BEND3: variants seen among roughly 807,000 people sequenced by gnomAD.
BEND3 encodes the protein BEN domain containing 3.
In BEND3, 13 loss-of-function variants were observed where a neutral mutation model predicts 60.1. The ratio of observed to expected loss-of-function variants is 0.22; its 90% confidence interval spans 0.14 to 0.34. The LOEUF (loss-of-function observed/expected upper bound fraction) is 0.34, where lower values mean the gene tolerates loss of function less well. BEND3 is among the 10% of genes least tolerant of loss of function. BEND3 has a pLI of 1.00. For missense variants in BEND3, 896 were observed against 1,138.1 expected (o/e 0.79, Z 3.06); for synonymous variants, 497 against 491.5 (o/e 1.01, Z -0.15).
chr6:107,068,985 C>G lies in BEND3; in HGVS notation c.2206G>C (p.Val736Leu). Residue 736 changes from valine (V) to leucine (L), a missense_variant, in exon 4 of 4, where the codon GTG (valine) becomes CTG (leucine). Around this residue, in one of 4 missense-constraint regions of BEND3, gnomAD observed 846 missense variants for 1,036.7 expected, o/e 0.82. Coordinates refer to ENST00000369042, the MANE Select transcript of BEND3 (RefSeq NM_001367314.1). The surrounding 1 kb of genome is among the most constrained non-coding windows in gnomAD (Gnocchi z 5.8). ...AGGAGCCGGGCGGCAAAGTTGCCCA[C>G]GGAGAGGCTCTGCTGCACGATCTCA... ...VREIVQQSLS[V>L]GNFAARLLVR... The G allele has an allele frequency of 6.2e-7, 1 of 1,613,734 alleles. No homozygotes were observed. Among genetic ancestry groups the G allele is most frequent in the Non-Finnish European group, 8.5e-7 (1 of 1,180,006 alleles).
Position 107,069,534 on chromosome 6 carries a change from A to T in BEND3, c.1657T>A (p.Cys553Ser). The T allele has an allele frequency of 6.2e-7, 1 of 1,613,238 alleles. No homozygotes were observed. The highest frequency in any genetic ancestry group is 8.5e-7 in the Non-Finnish European group (1 of 1,180,004). ...QPDFEVPGADCLLSKEQLRSI... is the reference protein window; with the variant it reads ...QPDFEVPGADSLLSKEQLRSI... ...CGTAGCTGCTCCTTGCTGAGCAGGCAGTCGGCACCGGGCACCTCGAAGTCA... is the reference window on the plus strand; with the variant it reads ...CGTAGCTGCTCCTTGCTGAGCAGGCTGTCGGCACCGGGCACCTCGAAGTCA... Residue 553 changes from cysteine to serine, a missense_variant, in exon 4 of 4, where the codon TGC (cysteine) becomes AGC (serine). Around this residue, in one of 4 missense-constraint regions of BEND3, gnomAD observed 846 missense variants for 1,036.7 expected, o/e 0.82. Transcript: ENST00000369042.
chr6:107,083,635 C>CA (rs1348957863), intron 3 of BEND3, among the ~76,000 whole-genome samples: 6 of 148,302 alleles, frequency 4.0e-5, no homozygotes, highest in African/African-American at 9.9e-5. Flanking sequence ...GACTGTATCT[C>CA]AAAAAAAAGA....
At chr6:107,072,012 A>T (rs9386603) in intron 3 of BEND3, among the ~76,000 whole-genome samples, 57,566 of 151,836 alleles carry the variant, frequency 0.38, 11,011 homozygotes, top group East Asian at 0.41. Context: ...TCCTTCTTTG[A>T]GTTTCAGCCA....
intron 3 of BEND3, among the ~76,000 whole-genome samples, chr6:107,090,992 C>A (rs888496901): frequency 1.8e-4 from 28 of 151,788 alleles, no homozygotes; most frequent in African/African-American, 6.8e-4. Context: ...CACCTATAAT[C>A]CCAGCTACTC....
In BEND3 at chr6:107,070,036, G is replaced by A. The variant is rs1554231669; in HGVS notation, c.1155C>T (p.Thr385=). 5.6e-6 allele frequency: 9 copies of A among 1,613,828 alleles called. No individual in the cohort carries two copies. Among genetic ancestry groups the A allele is most frequent in the Non-Finnish European group, 7.6e-6 (9 of 1,180,034 alleles). Reference sequence around the variant, plus strand: ...TGTCCACCACGTGGTCTGAGGCGATGGTGCTGCTCCGGTCAAGAGACAGGG... The same window carrying A: ...TGTCCACCACGTGGTCTGAGGCGATAGTGCTGCTCCGGTCAAGAGACAGGG... ...EEALSLDRSS[T]IASDHVVDTQ... The change falls in exon 4 of 4, where the codon ACC becomes ACT. Residue 385 remains threonine (T), a synonymous_variant. Transcript: ENST00000369042. The surrounding 1 kb of genome is among the most constrained non-coding windows in gnomAD (Gnocchi z 6.9).
Position 107,069,275 on chromosome 6 carries a change from A to G in BEND3, c.1916T>C (p.Leu639Pro), listed in dbSNP as rs1554231417. 1 of 1,612,174 alleles carries G rather than the reference A, an allele frequency of 6.2e-7. No homozygotes were observed. The highest frequency in any genetic ancestry group is 8.5e-7 in the Non-Finnish European group (1 of 1,179,400). The change falls in exon 4 of 4, where the codon CTG becomes CCG. Residue 639 changes from leucine (L) to proline (P), a missense_variant. Leu to Pro is a moderately conservative substitution (Grantham distance 98). Around this residue, in one of 4 missense-constraint regions of BEND3, gnomAD observed 846 missense variants for 1,036.7 expected, o/e 0.82. Coordinates refer to ENST00000369042, the MANE Select transcript of BEND3 (RefSeq NM_001367314.1). ...GTCCCGGCGCCGGCAGCGCTCATCC[A>G]GTTTGCCCACGAACTCCAGGGTCCA... ...RVWTLEFVGK[L>P]DERCRRRDTE...
chr6:107,069,001 C>T lies in BEND3; in HGVS notation c.2190G>A (p.Val730=), dbSNP rs782499450. The part of the protein sequence containing the change: ...LLSDKEVREI[V]QQSLSVGNFA... ...AGTTGCCCACGGAGAGGCTCTGCTGCACGATCTCACGCACCTCCTTGTCAG... is the reference window on the plus strand; with the variant it reads ...AGTTGCCCACGGAGAGGCTCTGCTGTACGATCTCACGCACCTCCTTGTCAG... Residue 730 remains valine, a synonymous_variant, in exon 4 of 4, where the codon GTG becomes GTA. Coordinates refer to ENST00000369042, the MANE Select transcript of BEND3 (RefSeq NM_001367314.1). 9 of 1,613,824 alleles carry T rather than the reference C, an allele frequency of 5.6e-6. No individual in the cohort carries two copies. In the Admixed American group the frequency reaches 1.5e-4, roughly 27 times the overall value.
intron 3 of BEND3, among the ~76,000 whole-genome samples, chr6:107,087,988 G>A (rs114344015): frequency 0.013 from 1,876 of 138,986 alleles, 55 homozygotes; most frequent in African/African-American, 0.048. Flanking sequence ...AAAAAACACT[G>A]TAATAGAAAT....
chr6:107,069,039 G>A lies in BEND3; in HGVS notation c.2152C>T (p.Pro718Ser), dbSNP rs1554231316. The change falls in exon 4 of 4, where the codon CCC (proline) becomes TCC (serine). Residue 718 changes from proline (P) to serine (S), a missense_variant. Around this residue, in one of 4 missense-constraint regions of BEND3, gnomAD observed 846 missense variants for 1,036.7 expected, o/e 0.82. Transcript: ENST00000369042. ...ACCTCCTTGTCAGACAGCAGGTAGGGAGAAGGCACCGGGAAGTCAGGCGAG... is the reference window on the plus strand; with the variant it reads ...ACCTCCTTGTCAGACAGCAGGTAGGAAGAAGGCACCGGGAAGTCAGGCGAG... ...VPSPDFPVPSPYLLSDKEVRE... is the reference protein window; with the variant it reads ...VPSPDFPVPSSYLLSDKEVRE... The A allele has an allele frequency of 6.2e-7, 1 of 1,613,658 alleles. No individual in the cohort carries two copies. The highest frequency in any genetic ancestry group is 1.7e-5 in the Admixed American group (1 of 60,014).
chr6:107,097,785 C>T (rs368613139), intron 3 of BEND3, among the ~76,000 whole-genome samples: 9 of 99,382 alleles, frequency 9.1e-5, no homozygotes, highest in African/African-American at 1.7e-4. Context: ...AGCAAAACTC[C>T]GTCTCAAAAA....
At chr6:107,072,783 C>T (rs556847966) in intron 3 of BEND3, among the ~76,000 whole-genome samples, 2 of 152,050 alleles carry the variant, frequency 1.3e-5, no homozygotes, top group African/African-American at 2.4e-5. Context: ...TCAGAAGTTC[C>T]GCCAGCCTGG....
chr6:107,113,142 G>A lies in BEND3; in HGVS notation c.-12+1948C>T, dbSNP rs183705056. Among the ~76,000 whole-genome samples, 90 of 147,048 alleles carry A rather than the reference G, an allele frequency of 6.1e-4. 2 individuals carry two copies. The highest frequency in any genetic ancestry group is 1.7e-3 in the African/African-American group (67 of 39,472). The stretch of plus-strand genomic sequence containing the variant: ...CACTGCACTACAGCCTGGTGATAGA[G>A]CGAGACTCTGTCTAAAAAAAAAAAG... On this transcript the variant is annotated intron_variant, in intron 1 of 3. Coordinates refer to ENST00000369042, the MANE Select transcript of BEND3 (RefSeq NM_001367314.1).
intron 3 of BEND3, among the ~76,000 whole-genome samples, chr6:107,084,189 A>G (rs889735735): frequency 3.3e-5 from 5 of 152,238 alleles, no homozygotes; most frequent in African/African-American, 1.2e-4. Flanking sequence ...GACACCAGAG[A>G]GCAGACTTCC....
chr6:107,086,033 C>A (rs1277133441), intron 3 of BEND3, among the ~76,000 whole-genome samples: 1 of 142,270 alleles, frequency 7.0e-6, no homozygotes, highest in Admixed American at 7.0e-5. Flanking sequence ...GTGATCTGCC[C>A]GCCTCGGCCT....
chr6:107,094,985 T>A (rs767954857), intron 3 of BEND3, among the ~76,000 whole-genome samples: 2 of 151,922 alleles, frequency 1.3e-5, no homozygotes, highest in Non-Finnish European at 2.9e-5. Context: ...CACGCCTGGA[T>A]AATTTTTTTG....
At chr6:107,088,887 G>A (rs1775411552) in intron 3 of BEND3, among the ~76,000 whole-genome samples, 1 of 138,468 alleles carries the variant, frequency 7.2e-6, no homozygotes, top group Admixed American at 7.1e-5. Context: ...AGGCGCGGTG[G>A]CTCACACCTA....
chr6:107,075,641 A>C (rs1775085092), intron 3 of BEND3, among the ~76,000 whole-genome samples: 1 of 152,226 alleles, frequency 6.6e-6, no homozygotes, highest in South Asian at 2.1e-4. Context: ...TAACTATATT[A>C]GGAGTGATTT....
Position 107,067,589 on chromosome 6 carries a change from A to T in BEND3, c.*1115T>A, listed in dbSNP as rs1486501540. On this transcript the variant is annotated 3_prime_UTR_variant, in exon 4 of 4. Coordinates refer to ENST00000369042, the MANE Select transcript of BEND3 (RefSeq NM_001367314.1). ...GGAAGGGACATGTGTACCCCATCTA[A>T]AATGGCCTGTGTCCTTCCAATGCAT... 1 of 152,214 alleles carries T rather than the reference A, an allele frequency of 6.6e-6. No individual in the cohort carries two copies. The highest frequency in any genetic ancestry group is 2.4e-5 in the African/African-American group (1 of 41,424). The allele number at this position is 152,214 out of a possible 1,614,324, so 9.4% of individuals were successfully genotyped here.
At position 107,086,072 on chromosome 6, in the gene BEND3, C is replaced by T. The variant is rs1431314584; in HGVS notation, c.240+12479G>A. 3.9e-5 allele frequency among the ~76,000 whole-genome samples: 6 copies of T among 152,166 alleles called. No homozygotes were observed. In the East Asian group the frequency reaches 1.2e-3, roughly 29 times the overall value. Reference sequence around the variant, plus strand: ...AATGTGCTGGGATTACAGGCATGAGCCACCGCGCCTGGCCGCCTTCTCTTT... The same window carrying T: ...AATGTGCTGGGATTACAGGCATGAGTCACCGCGCCTGGCCGCCTTCTCTTT... On this transcript the variant is annotated intron_variant, in intron 3 of 3. Coordinates refer to ENST00000369042, the MANE Select transcript of BEND3 (RefSeq NM_001367314.1).
Sources: gnomAD v4.1 joint callset for allele counts (sites outside exome capture counted in the v4.1 genomes callset) on GRCh38, gnomAD v4.1.1 for gene constraint, gnomAD v4.1.1 regional missense constraint, Gnocchi (gnomAD v3.1) non-coding constraint, MANE v1.5 for transcripts, NCBI Gene and HGNC (gene_info 2026-07-23, HGNC 2026-07-21) for gene names.